OSBPL7: variants seen among roughly 807,000 people sequenced by gnomAD.
OSBPL7 encodes the protein oxysterol binding protein like 7, also known as oxysterol-binding protein-related protein 7.
Under a neutral mutation model 115.8 loss-of-function variants are expected in OSBPL7, and 66 were observed. The ratio of observed to expected loss-of-function variants is 0.57; its 90% CI spans 0.47 to 0.70. OSBPL7 has a LOEUF of 0.70. OSBPL7 is among the 30% of genes least tolerant of loss of function. The pLI, the probability that OSBPL7 is intolerant of heterozygous loss-of-function variation, is 0.00. For missense variants in OSBPL7, 902 were observed against 1,125.5 expected (o/e 0.80, Z 2.84); for synonymous variants, 441 against 439.2 (o/e 1.00, Z -0.05).
chr17:47,816,067 A>G lies in OSBPL7; in HGVS notation c.1119+40T>C. ...CTTGGCTTTCGCTGGGAGAGAAGGC[A>G]CAGGAGAATCGGCCCCCACAGCCCA... On this transcript the variant is annotated intron_variant, in intron 12 of 22. Coordinates refer to ENST00000007414, the MANE Select transcript of OSBPL7 (RefSeq NM_145798.3). This position sits in a 1 kb window ranked among gnomAD's most constrained non-coding sequence, Gnocchi z 5.8. 6.6e-7 allele frequency: 1 copy of G among 1,507,468 alleles called. No homozygotes were observed. 93.4% of individuals were successfully genotyped at this position (1,507,468 alleles called of 1,614,324 possible). A position where few individuals can be genotyped will look rare whatever the true frequency, so the allele number is the denominator to read the frequency against.
intron 13 of OSBPL7, 36 bp downstream of exon 13, chr17:47,815,179 T>A (rs55998645): frequency 1.1e-4 from 170 of 1,594,850 alleles, no homozygotes; most frequent in Non-Finnish European, 1.3e-4. Context: ...AGGTCCCCCC[T>A]ACCCCGCCTC....
At chr17:47,814,680 G>A (rs2033158364) in intron 13 of OSBPL7, 66 bp from the exon 14 acceptor site, 1 of 1,426,560 alleles carries the variant, frequency 7.0e-7, no homozygotes, top group Non-Finnish European at 9.8e-7. Flanking sequence ...CAGTGCCCAG[G>A]GCCTGGCAAG....
In OSBPL7 at chr17:47,810,841, T is replaced by A. The variant is rs779104204; in HGVS notation, c.1738-6A>T. The A allele has an allele frequency of 6.2e-7, 1 of 1,613,184 alleles. No individual in the cohort carries two copies. The highest frequency in any genetic ancestry group is 2.2e-5 in the East Asian group (1 of 44,876). ...ATAGGGGGGTGGTGGGAGACCTTGGTGAGCAAAGAAGTTATCTTGAGGCTG... is the reference window on the plus strand; with the variant it reads ...ATAGGGGGGTGGTGGGAGACCTTGGAGAGCAAAGAAGTTATCTTGAGGCTG... On this transcript the variant is annotated splice_polypyrimidine_tract_variant and splice_region_variant and intron_variant, in intron 16 of 22. Transcript: ENST00000007414.
chr17:47,817,972 A>T (rs2033276964), intron 7 of OSBPL7, among the ~76,000 whole-genome samples: 3 of 152,054 alleles, frequency 2.0e-5, no homozygotes, highest in Admixed American at 2.0e-4. Flanking sequence ...TTCCTAGAGC[A>T]CACCCCTTCC....
Position 47,809,466 on chromosome 17 carries a change from G to A in OSBPL7, c.1893C>T (p.His631=), listed in dbSNP as rs202058998. 69 of 1,612,070 alleles carry A rather than the reference G, an allele frequency of 4.3e-5. No individual in the cohort carries two copies. The highest frequency in any genetic ancestry group is 5.3e-5 in the Non-Finnish European group (63 of 1,178,378). The part of the protein sequence containing the change: ...VNVSLPRFGD[H]FEWNKVTSCI... Reference sequence around the variant, plus strand: ...AGGATGTCACCTTGTTCCACTCAAAGTGGTCCCCAAACCTGAGAAAGACAA... The same window carrying A: ...AGGATGTCACCTTGTTCCACTCAAAATGGTCCCCAAACCTGAGAAAGACAA... Residue 631 remains histidine (H), a synonymous_variant, in exon 19 of 23, where the codon CAC becomes CAT. Transcript: ENST00000007414.
chr17:47,809,622 C>G (rs2032973117), intron 18 of OSBPL7, 144 bp from the exon 19 acceptor site: 3 of 891,950 alleles, frequency 3.4e-6, no homozygotes, highest in Admixed American at 5.6e-5. Context: ...TGAAGGATGA[C>G]TTATATTCAC....
rs1213339327 is a variant in OSBPL7, at chr17:47,808,264, C to T, written c.*27G>A. 2 of 1,547,302 alleles carry T rather than the reference C, an allele frequency of 1.3e-6. No individual in the cohort carries two copies. The highest frequency in any genetic ancestry group is 1.8e-6 in the Non-Finnish European group (2 of 1,122,058). On this transcript the variant is annotated 3_prime_UTR_variant, in exon 23 of 23. Coordinates refer to ENST00000007414, the MANE Select transcript of OSBPL7 (RefSeq NM_145798.3). This position sits in a 1 kb window ranked among gnomAD's most constrained non-coding sequence, Gnocchi z 6.1. ...GGTGGAGGCAGGAGGAGTGAGGAAC[C>T]AGAGCCTCCTGCCCCCGGGGCCAGG...
In OSBPL7 at chr17:47,816,462, C is replaced by T. The variant is rs372046399; in HGVS notation, c.949G>A (p.Val317Ile). 1.8e-5 allele frequency: 28 copies of T among 1,545,420 alleles called. No homozygotes were observed. The East Asian group carries it at 3.1e-4, about 17-fold the overall frequency. ...CGTTCCATGGTGAGGGCGGCCAGGA[C>T]GCTGCTGAGGGAGCTGTGCACTACA... The part of the protein sequence containing the change: ...AQKVHSSLSS[V>I]LAALTMERDQ... Residue 317 changes from valine to isoleucine, a missense_variant, in exon 11 of 23, where the codon GTC becomes ATC. Physicochemically the swap from Val to Ile is conservative, Grantham distance 29 (BLOSUM62 3). Coordinates refer to ENST00000007414, the MANE Select transcript of OSBPL7 (RefSeq NM_145798.3). The surrounding 1 kb of genome is among the most constrained non-coding windows in gnomAD (Gnocchi z 5.8).
In OSBPL7 at chr17:47,816,775, C is replaced by T. The variant is rs1218038003; in HGVS notation, c.795+5G>A. ...CAGCTACGTGAGGTGCATGCCCGAC[C>T]TCACCCGTCCAATGGTGTCATCCTT... On this transcript the variant is annotated splice_donor_5th_base_variant and intron_variant, in intron 9 of 22. Transcript: ENST00000007414. This position sits in a 1 kb window ranked among gnomAD's most constrained non-coding sequence, Gnocchi z 5.8. 6.2e-7 allele frequency: 1 copy of T among 1,614,172 alleles called. No individual in the cohort carries two copies. The highest frequency in any genetic ancestry group is 1.7e-5 in the Admixed American group (1 of 60,020).
chr17:47,812,289 GCCCCCAGCGCT>G (rs1350130731), intron 16 of OSBPL7, among the ~76,000 whole-genome samples: 2 of 152,124 alleles, frequency 1.3e-5, no homozygotes, highest in African/African-American at 2.4e-5. Flanking sequence ...CCCCTTCGGG[GCCCCCAGCGCT>G]CCTGCCTGCC....
chr17:47,814,654 C>A (rs374830685), intron 13 of OSBPL7, 40 bp from the exon 14 acceptor site: 9 of 1,587,844 alleles, frequency 5.7e-6, no homozygotes, highest in East Asian at 2.2e-5. Context: ...GACTGGGCCT[C>A]CCCCGGGCAG....
chr17:47,810,926 T>C, intron 16 of OSBPL7, 91 bp from the exon 17 acceptor site: 1 of 1,292,132 alleles, frequency 7.7e-7, no homozygotes, highest in Non-Finnish European at 1.1e-6. Flanking sequence ...TTCCCCTAAG[T>C]ACCACAAGAC....
In OSBPL7 at chr17:47,808,189, AAGGGCAGTG is replaced by A. The variant is rs1225960396; in HGVS notation, c.*93_*101del. On this transcript the variant is annotated 3_prime_UTR_variant, in exon 23 of 23. Transcript: ENST00000007414. This position sits in a 1 kb window ranked among gnomAD's most constrained non-coding sequence, Gnocchi z 6.1. ...GGGCCAGGGCTGCCCCTTTGGTCTC[AAGGGCAGTG>A]AGGCGGGGAGCCCGGCCTCACCCAT... is the stretch of plus-strand genomic sequence containing the variant. 4.5e-6 allele frequency: 4 copies of A among 892,822 alleles called. No individual in the cohort carries two copies. The African/African-American group carries it at 6.6e-5, about 15-fold the overall frequency. 55.3% of individuals were successfully genotyped at this position (892,822 alleles called of 1,614,324 possible).
intron 16 of OSBPL7, among the ~76,000 whole-genome samples, chr17:47,811,977 T>C (rs2033056641): frequency 6.6e-6 from 1 of 152,212 alleles, no homozygotes; most frequent in African/African-American, 2.4e-5. Flanking sequence ...AGGCTTATTT[T>C]CTGTTGTACG....
chr17:47,810,965 C>T, intron 16 of OSBPL7, 130 bp from the exon 17 acceptor site: 1 of 777,096 alleles, frequency 1.3e-6, no homozygotes, highest in Non-Finnish European at 2.1e-6. Flanking sequence ...CTGTCCCTAT[C>T]ACCCTTGGCC....
Position 47,818,734 on chromosome 17 carries a change from G to A in OSBPL7, c.370-118C>T, listed in dbSNP as rs145498907. 35 of 943,300 alleles carry A rather than the reference G, an allele frequency of 3.7e-5. No individual in the cohort carries two copies. In the East Asian group the frequency reaches 8.8e-4, roughly 24 times the overall value. The allele number at this position is 943,300 out of a possible 1,614,324, so 58.4% of individuals were successfully genotyped here. ...GGTCTCTTCTTACAGAGCCTGGTTT[G>A]TGCAAGGCTCACTTGCAGGGAGACA... On this transcript the variant is annotated intron_variant, in intron 5 of 22. Coordinates refer to ENST00000007414, the MANE Select transcript of OSBPL7 (RefSeq NM_145798.3).
At chr17:47,818,710 G>T (rs1425569867) in intron 5 of OSBPL7, 94 bp from the exon 6 acceptor site, 17 of 1,112,500 alleles carry the variant, frequency 1.5e-5, no homozygotes, top group Non-Finnish European at 2.2e-5. Context: ...GACAAGCAGG[G>T]TCTCTTCTTA....
chr17:47,812,397 G>C (rs1254126261), intron 16 of OSBPL7, among the ~76,000 whole-genome samples: 1 of 152,208 alleles, frequency 6.6e-6, no homozygotes, highest in African/African-American at 2.4e-5. Flanking sequence ...TCTTTGACCT[G>C]TTAGTGCCAC....
Position 47,808,422 on chromosome 17 carries a change from G to A in OSBPL7, c.2421-23C>T. ...CGCCTGGTGGGAGAAGGCGGTGGCA[G>A]TGAGGGGTGAACATCTAGAAGGCAG... On this transcript the variant is annotated intron_variant, in intron 22 of 22. Transcript: ENST00000007414. This position sits in a 1 kb window ranked among gnomAD's most constrained non-coding sequence, Gnocchi z 6.1. 1.2e-6 allele frequency: 2 copies of A among 1,613,978 alleles called. No individual in the cohort carries two copies. Among genetic ancestry groups the A allele is most frequent in the Non-Finnish European group, 1.7e-6 (2 of 1,179,816 alleles).
Sources: gnomAD v4.1 joint callset for allele counts (sites outside exome capture counted in the v4.1 genomes callset) on GRCh38, gnomAD v4.1.1 for gene constraint, Gnocchi (gnomAD v3.1) non-coding constraint, MANE v1.5 for transcripts, NCBI Gene and HGNC (gene_info 2026-07-23, HGNC 2026-07-21) for gene names.